The following LINGO1 variants were observed in gnomAD, a reference collection of about 807,000 sequenced individuals.
LINGO1 encodes the protein leucine rich repeat and Ig domain containing 1.
A neutral mutation model predicts 37.3 loss-of-function variants in LINGO1; 11 were observed. The ratio of observed to expected loss-of-function variants is 0.29; its 90% CI spans 0.19 to 0.49. LINGO1 has a LOEUF of 0.49. Among genes scored for constraint, LINGO1 ranks in the 20% least tolerant of loss-of-function variants. The pLI is 0.99. For missense variants in LINGO1, 585 were observed against 878.2 expected (o/e 0.67, Z 4.22); for synonymous variants, 387 against 403.0 (o/e 0.96, Z 0.48).
chr15:77,670,859 C>T (rs2075235744), intron 3 of LINGO1, among the ~76,000 whole-genome samples: 2 of 152,200 alleles, frequency 1.3e-5, no homozygotes, highest in Non-Finnish European at 2.9e-5. Flanking sequence ...TCCCTGGGGC[C>T]TCAGAATCAA....
chr15:77,757,765 C>T (rs951989710), intron 1 of LINGO1, among the ~76,000 whole-genome samples: 3 of 152,168 alleles, frequency 2.0e-5, no homozygotes, highest in African/African-American at 4.8e-5. Context: ...GCACCATAGG[C>T]CTCCTAGCTT....
At chr15:77,794,470 G>A (rs8039388) in intron 2 of LINGO1, among the ~76,000 whole-genome samples, 14,027 of 21,220 alleles carry the variant, frequency 0.66, 4,363 homozygotes, top group Admixed American at 0.74. Context: ...ATATACATAC[G>A]TATATGTATA....
chr15:77,713,601 C>G (rs2075947673), intron 2 of LINGO1, among the ~76,000 whole-genome samples: 1 of 151,810 alleles, frequency 6.6e-6, no homozygotes, highest in South Asian at 2.1e-4. Context: ...ACACACAGGA[C>G]TATATATAAA....
At chr15:77,641,451 C>G (rs1050771714) in intron 3 of LINGO1, among the ~76,000 whole-genome samples, 2 of 152,206 alleles carry the variant, frequency 1.3e-5, no homozygotes, top group African/African-American at 4.8e-5. Flanking sequence ...CCCGGCCCGT[C>G]TGGCTGGGAC....
At chr15:77,766,496 A>G (rs1308845010) in intron 1 of LINGO1, among the ~76,000 whole-genome samples, 1 of 152,178 alleles carries the variant, frequency 6.6e-6, no homozygotes, top group African/African-American at 2.4e-5. Flanking sequence ...TGTTCCCACC[A>G]AAATCTCACC....
intron 1 of LINGO1, among the ~76,000 whole-genome samples, chr15:77,763,021 C>T (rs937718332): frequency 3.3e-5 from 5 of 152,214 alleles, no homozygotes; most frequent in African/African-American, 1.2e-4. Context: ...GAGGAGCCAT[C>T]AGAGAACTGC....
At chr15:77,690,148 C>A (rs1363837827) in intron 2 of LINGO1, among the ~76,000 whole-genome samples, 1 of 152,130 alleles carries the variant, frequency 6.6e-6, no homozygotes, top group Non-Finnish European at 1.5e-5. Context: ...CCTAAGATTC[C>A]TTTGGGAAAC....
chr15:77,632,986 G>C (rs2074312230), upstream of LINGO1, among the ~76,000 whole-genome samples: 1 of 148,654 alleles, frequency 6.7e-6, no homozygotes, highest in Admixed American at 6.7e-5. This position sits in a 1 kb window ranked among gnomAD's most constrained non-coding sequence, Gnocchi z 6.0. Flanking sequence ...GGCGGGGGAG[G>C]AGAAGGCGCG....
At chr15:77,665,720 G>A (rs980267079) in intron 3 of LINGO1, among the ~76,000 whole-genome samples, 16 of 152,248 alleles carry the variant, frequency 1.1e-4, no homozygotes, top group Non-Finnish European at 1.8e-4. Flanking sequence ...CCAGGCAGGT[G>A]AGGTGAGATG....
At chr15:77,722,684 G>C (rs929900631) in intron 2 of LINGO1, among the ~76,000 whole-genome samples, 4 of 152,242 alleles carry the variant, frequency 2.6e-5, no homozygotes, top group Non-Finnish European at 2.9e-5. Flanking sequence ...TCATCTTTTA[G>C]AGATATGCGC....
Position 77,723,571 on chromosome 15 carries a change from T to C in LINGO1, c.-195+11421A>G, listed in dbSNP as rs148564588. Reference sequence around the variant, plus strand: ...AACTGGTATCACTGTCCCCTTTTAGTTGGGGAAACTGAGGCTCAGGGAGAT... The same window carrying C: ...AACTGGTATCACTGTCCCCTTTTAGCTGGGGAAACTGAGGCTCAGGGAGAT... On this transcript the variant is annotated intron_variant, in intron 2 of 3. Transcript: ENST00000561686. Among the ~76,000 whole-genome samples the C allele has an allele frequency of 3.6e-3, 543 of 152,268 alleles. 5 individuals carry two copies. The highest frequency in any genetic ancestry group is 0.012 in the African/African-American group (509 of 41,564).
At chr15:77,664,170 T>TGTGTGTGTGTGCGCGCGCGCGTGCGC in intron 3 of LINGO1, among the ~76,000 whole-genome samples, 2 of 130,944 alleles carry the variant, frequency 1.5e-5, no homozygotes, top group Non-Finnish European at 3.1e-5. Context: ...TGTGTGTGTG[T>TGTGTGTGTGTGCGCGCGCGCGTGCGC]GCGCGCGCGC....
chr15:77,800,920 G>A (rs1199753503), intron 1 of LINGO1, among the ~76,000 whole-genome samples: 1 of 152,196 alleles, frequency 6.6e-6, no homozygotes, highest in Admixed American at 6.5e-5. Flanking sequence ...ATGAAAAGAT[G>A]TTCTATCTCA....
At chr15:77,743,484 C>A (rs898656529) in intron 1 of LINGO1, among the ~76,000 whole-genome samples, 1 of 152,160 alleles carries the variant, frequency 6.6e-6, no homozygotes, top group African/African-American at 2.4e-5. Flanking sequence ...ACCTTAAAGA[C>A]AGGTAGGCTG....
chr15:77,789,947 T>C (rs1274336401), upstream of LINGO1, among the ~76,000 whole-genome samples: 2 of 152,114 alleles, frequency 1.3e-5, no homozygotes, highest in East Asian at 3.9e-4. Flanking sequence ...ATTTTTTTTA[T>C]CTTTTGTAAA....
intron 2 of LINGO1, among the ~76,000 whole-genome samples, chr15:77,710,298 G>A (rs1013385532): frequency 6.6e-6 from 1 of 152,220 alleles, no homozygotes; most frequent in Non-Finnish European, 1.5e-5. Flanking sequence ...CAGCCCAGGC[G>A]GCCCAGCTCT....
intron 2 of LINGO1, among the ~76,000 whole-genome samples, chr15:77,726,387 AG>A (rs1468023160): frequency 6.6e-6 from 1 of 152,246 alleles, no homozygotes; most frequent in African/African-American, 2.4e-5. Context: ...CCAAAGACCC[AG>A]AGGAGGAAAG....
intron 2 of LINGO1, among the ~76,000 whole-genome samples, chr15:77,709,944 T>C (rs1333913288): frequency 6.6e-6 from 1 of 152,158 alleles, no homozygotes; most frequent in Non-Finnish European, 1.5e-5. Flanking sequence ...CTAGTTTGGC[T>C]TCTGACTGGG....
At chr15:77,791,244 T>C (rs1430563341), upstream of LINGO1, among the ~76,000 whole-genome samples, 1 of 151,576 alleles carries the variant, frequency 6.6e-6, no homozygotes, top group Non-Finnish European at 1.5e-5. Flanking sequence ...GACAAGAGGA[T>C]GAGGAGGGCA....
Sources: gnomAD v4.1 joint callset for allele counts (sites outside exome capture counted in the v4.1 genomes callset) on GRCh38, gnomAD v4.1.1 for gene constraint, Gnocchi (gnomAD v3.1) non-coding constraint, MANE v1.5 for transcripts, NCBI Gene and HGNC (gene_info 2026-07-23, HGNC 2026-07-21) for gene names.